The following RAPGEF1 variants were observed in gnomAD, a reference collection of about 807,000 sequenced individuals.
The protein encoded by RAPGEF1 is CRK SH3-binding GNRP.
In RAPGEF1, 33 loss-of-function variants were observed where a neutral mutation model predicts 143.3. That is an observed-to-expected ratio of 0.23 (90% CI 0.17 to 0.31). RAPGEF1 has a LOEUF of 0.31. Ranked by LOEUF, RAPGEF1 falls within the 10% of genes least tolerant of loss-of-function variation. RAPGEF1 has a pLI of 1.00. For missense variants in RAPGEF1, 1,199 were observed against 1,645.4 expected (o/e 0.73, Z 4.69); for synonymous variants, 629 against 676.5 (o/e 0.93, Z 1.09).
At chr9:131,657,241 G>GCAGACAGACAGA (rs770965642) in intron 1 of RAPGEF1, among the ~76,000 whole-genome samples, 1 of 152,120 alleles carries the variant, frequency 6.6e-6, no homozygotes, top group Non-Finnish European at 1.5e-5. Flanking sequence ...AGACAGGCAG[G>GCAGACAGACAGA]CAGACAGACA....
At chr9:131,704,524 G>A (rs542727936) in intron 1 of RAPGEF1, among the ~76,000 whole-genome samples, 49 of 151,978 alleles carry the variant, frequency 3.2e-4, no homozygotes, top group African/African-American at 6.0e-4. Context: ...AATTTCATTC[G>A]CTCACACCCA....
chr9:131,595,296 G>C (rs187877670), intron 17 of RAPGEF1, among the ~76,000 whole-genome samples: 7 of 152,340 alleles, frequency 4.6e-5, no homozygotes, highest in Admixed American at 3.3e-4. Context: ...CAGTGGCTGC[G>C]GTGAGTTTGT....
chr9:131,617,897 C>G (rs955816366), intron 12 of RAPGEF1, among the ~76,000 whole-genome samples: 4 of 152,190 alleles, frequency 2.6e-5, no homozygotes, highest in African/African-American at 9.7e-5. Context: ...TTCATTTTAA[C>G]AGACGAAAGG....
At chr9:131,639,954 T>A (rs1379391333) in intron 4 of RAPGEF1, among the ~76,000 whole-genome samples, 3 of 152,236 alleles carry the variant, frequency 2.0e-5, no homozygotes, top group African/African-American at 4.8e-5. Flanking sequence ...CGTTCCACTC[T>A]GCATGTTCCA....
intron 1 of RAPGEF1, among the ~76,000 whole-genome samples, chr9:131,706,244 T>C (rs888152212): frequency 5.9e-5 from 9 of 151,866 alleles, no homozygotes; most frequent in East Asian, 1.9e-4. Flanking sequence ...ATCAGGGTCA[T>C]GGTGGTGCCC....
At chr9:131,610,671 C>T (rs560566116) in intron 12 of RAPGEF1, among the ~76,000 whole-genome samples, 87 of 152,300 alleles carry the variant, frequency 5.7e-4, no homozygotes, top group African/African-American at 1.9e-3. Flanking sequence ...CCTTCCTCAG[C>T]GGAGAATCAA....
intron 20 of RAPGEF1, among the ~76,000 whole-genome samples, chr9:131,588,584 C>A (rs971939497): frequency 6.6e-6 from 1 of 152,228 alleles, no homozygotes; most frequent in Non-Finnish European, 1.5e-5. Context: ...CCATGCCCTG[C>A]TGCCCGCTTC....
At chr9:131,733,705 T>A (rs912128459) in intron 1 of RAPGEF1, among the ~76,000 whole-genome samples, 1 of 152,078 alleles carries the variant, frequency 6.6e-6, no homozygotes, top group African/African-American at 2.4e-5. Flanking sequence ...AGGCGGTGGG[T>A]TGTCAGGCCT....
intron 1 of RAPGEF1, among the ~76,000 whole-genome samples, chr9:131,716,337 TGAA>T (rs1478210289): frequency 3.3e-5 from 5 of 152,254 alleles, no homozygotes; most frequent in African/African-American, 4.8e-5. Flanking sequence ...TCCAGCCTTC[TGAA>T]GAAGCTGTTT....
Position 131,626,138 on chromosome 9 carries a change from C to G in RAPGEF1, c.1486G>C (p.Glu496Gln). 1 of 1,613,844 alleles carries G rather than the reference C, an allele frequency of 6.2e-7. No individual in the cohort carries two copies. The highest frequency in any genetic ancestry group is 8.5e-7 in the Non-Finnish European group (1 of 1,179,874). The change falls in exon 10 of 27, where the codon GAG (glutamate) becomes CAG (glutamine). Residue 496 changes from glutamate to glutamine, a missense_variant. Transcript: ENST00000683357. ...TTGTCATACTGCGAGGGATGCCGCTCGTAGGACACCCTGCAGCCAGAGCCG... is the reference window on the plus strand; with the variant it reads ...TTGTCATACTGCGAGGGATGCCGCTGGTAGGACACCCTGCAGCCAGAGCCG... ...ADGSGCRVSY[E>Q]RHPSQYDNIS... is the part of the protein sequence containing the mutation.
intron 5 of RAPGEF1, among the ~76,000 whole-genome samples, chr9:131,631,645 C>T (rs923171625): frequency 3.3e-5 from 5 of 152,236 alleles, no homozygotes; most frequent in Admixed American, 1.3e-4. Flanking sequence ...ACCAGAGACC[C>T]TGAACCAGCG....
At chr9:131,652,035 T>C (rs998833471) in intron 1 of RAPGEF1, among the ~76,000 whole-genome samples, 8 of 152,182 alleles carry the variant, frequency 5.3e-5, no homozygotes, top group Admixed American at 6.5e-5. Context: ...AAAGGCACTA[T>C]CACGAATGGA....
At chr9:131,724,456 G>A (rs926492454) in intron 1 of RAPGEF1, among the ~76,000 whole-genome samples, 3 of 152,184 alleles carry the variant, frequency 2.0e-5, no homozygotes, top group African/African-American at 4.8e-5. Context: ...TTAGCTGGGC[G>A]TGGTGGCGGG....
At chr9:131,708,789 T>G (rs953011593) in intron 1 of RAPGEF1, among the ~76,000 whole-genome samples, 2 of 151,980 alleles carry the variant, frequency 1.3e-5, no homozygotes, top group African/African-American at 4.8e-5. Context: ...TGGAGTGCAG[T>G]GGCGCAATCT....
At chr9:131,730,018 C>T (rs917923765) in intron 1 of RAPGEF1, among the ~76,000 whole-genome samples, 5 of 151,496 alleles carry the variant, frequency 3.3e-5, no homozygotes, top group Non-Finnish European at 5.9e-5. Flanking sequence ...CATGGTGAAA[C>T]CCCGTTTCTA....
rs967278087 is a variant in RAPGEF1 at position 131,733,343 on chromosome 9, T to A, written c.61+6427A>T. On this transcript the variant is annotated intron_variant, in intron 1 of 26. Coordinates refer to ENST00000683357, the MANE Select transcript of RAPGEF1 (RefSeq NM_001377935.1). ...AGCACATGTATTCCAGAACTTAAAA[T>A]TTAAAAAAGCCGGGGCGGGGGCGGG... Among the ~76,000 whole-genome samples the A allele has an allele frequency of 4.6e-3, 457 of 99,280 alleles. 4 individuals are homozygous for A. Among genetic ancestry groups the A allele is most frequent in the Non-Finnish European group, 3.2e-3 (167 of 52,956 alleles). 65.1% of individuals were successfully genotyped at this position (99,280 alleles called of 152,430 possible). A position where few individuals can be genotyped will look rare whatever the true frequency, so the allele number is the denominator to read the frequency against.
chr9:131,611,291 A>G (rs1248020280), intron 12 of RAPGEF1, among the ~76,000 whole-genome samples: 3 of 152,212 alleles, frequency 2.0e-5, no homozygotes, highest in Admixed American at 6.5e-5. Context: ...GTTGGGTCCA[A>G]AAAATATCTT....
At chr9:131,618,237 G>A (rs533811297) in intron 12 of RAPGEF1, among the ~76,000 whole-genome samples, 1 of 152,358 alleles carries the variant, frequency 6.6e-6, no homozygotes, top group South Asian at 2.1e-4. Context: ...CAGCTGTCAT[G>A]TGAACAAGCC....
intron 3 of RAPGEF1, among the ~76,000 whole-genome samples, chr9:131,644,055 C>T (rs955162344): frequency 2.6e-5 from 4 of 152,142 alleles, no homozygotes; most frequent in African/African-American, 4.8e-5. Context: ...AGCAGATGAC[C>T]GTGATTCTCA....
Sources: gnomAD v4.1 joint callset for allele counts (sites outside exome capture counted in the v4.1 genomes callset) on GRCh38, gnomAD v4.1.1 for gene constraint, MANE v1.5 for transcripts, NCBI Gene and HGNC (gene_info 2026-07-23, HGNC 2026-07-21) for gene names.